Variants in LINGO2 observed in about 807,000 individuals in gnomAD.
LINGO2 encodes the protein leucine rich repeat and Ig domain containing 2.
LINGO2 carries 14 observed loss-of-function variants against 30.6 expected under a neutral mutation model. That is an observed-to-expected ratio of 0.46 (90% CI 0.30 to 0.72). LINGO2 has a LOEUF of 0.72. Ranked by LOEUF, LINGO2 falls within the 30% of genes least tolerant of loss-of-function variation. The probability of loss-of-function intolerance (pLI) is 0.07; values close to 1 mark genes in which losing one functional copy is unlikely to be tolerated. For missense variants in LINGO2, 729 were observed against 751.7 expected (o/e 0.97, Z 0.35); for synonymous variants, 317 against 288.5 (o/e 1.10, Z -1.00).
At chr9:28,360,452 A>C (rs1820397400) in intron 3 of LINGO2, among the ~76,000 whole-genome samples, 1 of 152,212 alleles carries the variant, frequency 6.6e-6, no homozygotes, top group African/African-American at 2.4e-5. Flanking sequence ...ATGTTTGCAC[A>C]TACAAACTGC....
intron 3 of LINGO2, among the ~76,000 whole-genome samples, chr9:28,314,930 A>C (rs1020479770): frequency 6.7e-6 from 1 of 150,022 alleles, no homozygotes; most frequent in Admixed American, 6.7e-5. Flanking sequence ...GCTTGCAGTG[A>C]GCCGAGATGG....
chr9:28,430,566 C>A (rs1325847827), intron 2 of LINGO2, among the ~76,000 whole-genome samples: 2 of 152,032 alleles, frequency 1.3e-5, no homozygotes, highest in East Asian at 3.9e-4. Flanking sequence ...AGACTTTTGT[C>A]TTCATTTTAT....
chr9:28,202,013 T>G (rs557974202), intron 4 of LINGO2, among the ~76,000 whole-genome samples: 1 of 152,272 alleles, frequency 6.6e-6, no homozygotes, highest in East Asian at 1.9e-4. Context: ...TCCCACAGTT[T>G]GGAGGTTTGC....
chr9:28,596,777 G>A (rs1367705276), intron 1 of LINGO2, among the ~76,000 whole-genome samples: 1 of 152,106 alleles, frequency 6.6e-6, no homozygotes, highest in Admixed American at 6.6e-5. Flanking sequence ...TATATGCACA[G>A]TCTGATAGTA....
chr9:29,081,111 G>C, the LINGO2 span, among the ~76,000 whole-genome samples: 1 of 152,214 alleles, frequency 6.6e-6, no homozygotes, highest in African/African-American at 2.4e-5. Flanking sequence ...AAGCCTGGCA[G>C]AGACACACAC....
intron 5 of LINGO2, among the ~76,000 whole-genome samples, chr9:28,009,168 T>C (rs1822422902): frequency 6.6e-6 from 1 of 151,398 alleles, no homozygotes; most frequent in African/African-American, 2.4e-5. Context: ...CATATGGTGC[T>C]GAGACAAATG....
chr9:28,270,641 G>A (rs1353733141), intron 4 of LINGO2, among the ~76,000 whole-genome samples: 3 of 152,112 alleles, frequency 2.0e-5, no homozygotes, highest in Non-Finnish European at 2.9e-5. Context: ...TGGTATATGA[G>A]CTGCAGATCA....
intron 2 of LINGO2, among the ~76,000 whole-genome samples, chr9:28,451,016 G>A (rs1824628921): frequency 6.6e-6 from 1 of 151,660 alleles, no homozygotes; most frequent in Non-Finnish European, 1.5e-5. Flanking sequence ...TGTTTAAATT[G>A]GTAGAGTAGT....
At chr9:29,070,997 C>T in the LINGO2 span, among the ~76,000 whole-genome samples, 1 of 150,668 alleles carries the variant, frequency 6.6e-6, no homozygotes, top group Non-Finnish European at 1.5e-5. Flanking sequence ...ATAAATCTAT[C>T]ATTCCATTAG....
At chr9:28,434,240 A>G (rs941337229) in intron 2 of LINGO2, among the ~76,000 whole-genome samples, 2 of 151,480 alleles carry the variant, frequency 1.3e-5, no homozygotes, top group African/African-American at 4.8e-5. Context: ...AAGACTACAA[A>G]TTGTGTAGTC....
At chr9:28,319,353 C>G (rs2134291583) in intron 3 of LINGO2, among the ~76,000 whole-genome samples, 1 of 152,222 alleles carries the variant, frequency 6.6e-6, no homozygotes, top group South Asian at 2.1e-4. Context: ...CTTTACTACT[C>G]TCTTATATGG....
intron 2 of LINGO2, among the ~76,000 whole-genome samples, chr9:28,425,285 T>C (rs945149768): frequency 1.4e-5 from 2 of 147,136 alleles, no homozygotes; most frequent in African/African-American, 5.0e-5. Context: ...TATATGTGTG[T>C]ATATGTATAT....
chr9:27,953,274 T>C (rs1187785506), intron 5 of LINGO2, among the ~76,000 whole-genome samples: 1 of 152,156 alleles, frequency 6.6e-6, no homozygotes, highest in Non-Finnish European at 1.5e-5. Context: ...CTTTTGACTT[T>C]TTTTCCTATT....
At chr9:28,493,332 T>C (rs951144059) in intron 1 of LINGO2, among the ~76,000 whole-genome samples, 6 of 152,180 alleles carry the variant, frequency 3.9e-5, no homozygotes. Flanking sequence ...AAAGTATTTA[T>C]AACTGACATA....
intron 1 of LINGO2, among the ~76,000 whole-genome samples, chr9:28,510,099 A>G (rs2135357199): frequency 6.6e-6 from 1 of 152,338 alleles, no homozygotes; most frequent in Admixed American, 6.5e-5. Context: ...TGGAAATGTG[A>G]AAAAGTTAAA....
chr9:28,959,610 C>CA, the LINGO2 span, among the ~76,000 whole-genome samples: 17 of 141,708 alleles, frequency 1.2e-4, no homozygotes, highest in African/African-American at 3.3e-4. Flanking sequence ...TCTCTCTCTC[C>CA]CTCACACACA....
chr9:28,337,141 A>T, intron 3 of LINGO2, among the ~76,000 whole-genome samples: 1 of 150,390 alleles, frequency 6.6e-6, no homozygotes, highest in East Asian at 1.9e-4. Flanking sequence ...CTGAAAGCAC[A>T]GTGTTATATT....
chr9:28,261,051 A>T (rs2134045649), intron 4 of LINGO2, among the ~76,000 whole-genome samples: 1 of 152,080 alleles, frequency 6.6e-6, no homozygotes, highest in African/African-American at 2.4e-5. Flanking sequence ...GAAACTGACT[A>T]TTCCTTAATT....
chr9:28,340,301 G>A (rs759754795), intron 3 of LINGO2, among the ~76,000 whole-genome samples: 8 of 152,200 alleles, frequency 5.3e-5, no homozygotes, highest in East Asian at 1.9e-4. Context: ...ACAATGTCTC[G>A]TATATAATAA....
Sources: allele counts gnomAD v4.1 joint callset (sites outside exome capture counted in the v4.1 genomes callset), GRCh38; gene constraint gnomAD v4.1.1; transcripts MANE v1.5; gene names NCBI Gene and HGNC (gene_info 2026-07-23, HGNC 2026-07-21).